The following PPEF1 variants were observed in gnomAD, a reference collection of about 807,000 sequenced individuals.
The protein encoded by PPEF1 is protein phosphatase with EF-hand domain 1.
In PPEF1, 12 loss-of-function variants were observed where a neutral mutation model predicts 53.3. The observed-to-expected ratio is 0.23, with a 90% confidence interval of 0.14 to 0.36. PPEF1 has a LOEUF of 0.36. PPEF1 is among the 10% of genes least tolerant of loss of function. PPEF1 has a pLI of 1.00. For synonymous variants in PPEF1, 165 were observed against 176.7 expected, an observed-to-expected ratio of 0.93 and a Z score of 0.52; for missense variants, 334 against 490.4, an observed-to-expected ratio of 0.68 and a Z score of 3.01.
intron 5 of PPEF1, among the ~76,000 whole-genome samples, chrX:18,758,886 G>A (rs1422349319): frequency 1.8e-5 from 2 of 111,662 alleles, no homozygotes; most frequent in South Asian, 3.8e-4. Flanking sequence ...GAAGACACAC[G>A]TTAATTACAG....
Position 18,827,545 on chromosome X carries a change from C to T in PPEF1, c.*58C>T, listed in dbSNP as rs1382848831. 6.1e-5 allele frequency: 58 copies of T among 944,370 alleles called. 1 individual carries two copies. The East Asian group carries it at 1.8e-3, about 29-fold the overall frequency. 77.8% of individuals were successfully genotyped at this position (944,370 alleles called of 1,213,427 possible). Reference sequence around the variant, plus strand: ...AACAGCTAGGCCCAAATCACAAGTACAGTCCTTTCCAACACCCCTGAAATT... The same window carrying T: ...AACAGCTAGGCCCAAATCACAAGTATAGTCCTTTCCAACACCCCTGAAATT... On this transcript the variant is annotated 3_prime_UTR_variant, in exon 16 of 16. Transcript: ENST00000470157.
chrX:18,730,293 A>G lies in PPEF1; in HGVS notation c.159A>G (p.Glu53=), dbSNP rs1361677073. ...TCCAGTCCATCGAATATGCTGATGA[A>G]CAAGGCCAAATGCAGGTCTGTTTTG... The part of the protein sequence containing the change: ...TIFQSIEYAD[E]QGQMQLSTFF... Residue 53 remains glutamate, a synonymous_variant, in exon 2 of 16, where the codon GAA becomes GAG. Transcript: ENST00000470157. 5.0e-6 allele frequency: 6 copies of G among 1,207,500 alleles called. No homozygotes were observed. The Admixed American group carries it at 8.8e-5, about 18-fold the overall frequency.
chrX:18,799,611 A>G (rs915238912), intron 10 of PPEF1, among the ~76,000 whole-genome samples: 2 of 110,835 alleles, frequency 1.8e-5, no homozygotes, highest in Admixed American at 1.9e-4. Context: ...AGCTGCAGAC[A>G]TGCGCAAGGT....
chrX:18,762,444 G>A (rs776353301), intron 6 of PPEF1, among the ~76,000 whole-genome samples: 55 of 111,842 alleles, frequency 4.9e-4, no homozygotes, highest in African/African-American at 1.6e-3. Context: ...AAGGGGTCCC[G>A]ATCCAGACCC....
chrX:18,801,490 C>G (rs754957836), intron 10 of PPEF1, among the ~76,000 whole-genome samples: 2 of 111,886 alleles, frequency 1.8e-5, no homozygotes, highest in Non-Finnish European at 3.8e-5. Flanking sequence ...TTTTCATGCA[C>G]TCAAAAGAAA....
intron 9 of PPEF1, among the ~76,000 whole-genome samples, chrX:18,788,068 G>C: frequency 8.9e-6 from 1 of 111,882 alleles, no homozygotes; most frequent in Middle Eastern, 4.7e-3. Flanking sequence ...TGTAATCCGA[G>C]CACTTTGGGA....
intron 10 of PPEF1, among the ~76,000 whole-genome samples, chrX:18,802,640 G>C (rs190460601): frequency 8.9e-6 from 1 of 111,941 alleles, no homozygotes; most frequent in Non-Finnish European, 1.9e-5. Context: ...GCTTCCTCAG[G>C]CTATGTGCTC....
upstream of PPEF1, among the ~76,000 whole-genome samples, chrX:18,702,691 G>A (rs2044108606): frequency 9.1e-6 from 1 of 109,887 alleles, no homozygotes; most frequent in Admixed American, 9.9e-5. Flanking sequence ...AAAATTATCA[G>A]TTCCACCCAG....
At chrX:18,710,166 G>T (rs1317841299) in intron 1 of PPEF1, among the ~76,000 whole-genome samples, 1 of 111,695 alleles carries the variant, frequency 9.0e-6, no homozygotes, top group Non-Finnish European at 1.9e-5. Flanking sequence ...TTGGAGAAAT[G>T]TCTATTCAGA....
intron 14 of PPEF1, 147 bp from the exon 15 acceptor site, chrX:18,825,604 C>T (rs960775851): frequency 1.1e-5 from 4 of 362,160 alleles, no homozygotes; most frequent in Non-Finnish European, 1.4e-5. Context: ...GAGGGTGGGG[C>T]CTCCAAGGGA....
intron 2 of PPEF1, among the ~76,000 whole-genome samples, chrX:18,732,121 C>A (rs1366536608): frequency 2.7e-5 from 3 of 112,600 alleles, no homozygotes; most frequent in African/African-American, 9.7e-5. Context: ...GGCCCAGCTT[C>A]TTTTACTTAG....
In PPEF1 at chrX:18,827,708, G is replaced by T. The variant is rs936401433; in HGVS notation, c.*221G>T. The stretch of plus-strand genomic sequence containing the variant: ...GTAATAGGATTTGGTTTCAGCATTA[G>T]TACCTACATATTGCCAGTGAGAAAC... On this transcript the variant is annotated 3_prime_UTR_variant, in exon 16 of 16. Transcript: ENST00000470157. 3 of 376,907 alleles carry T rather than the reference G, an allele frequency of 8.0e-6. No homozygotes were observed. Among genetic ancestry groups the T allele is most frequent in the Admixed American group, 4.7e-5 (1 of 21,486 alleles). The allele number at this position is 376,907 out of a possible 1,213,427, so 31.1% of individuals were successfully genotyped here. A position where few individuals can be genotyped will look rare whatever the true frequency, so the allele number is the denominator to read the frequency against.
At chrX:18,693,947 C>G (rs1027642046) in intron 4 of PPEF1, among the ~76,000 whole-genome samples, 11 of 111,475 alleles carry the variant, frequency 9.9e-5, no homozygotes, top group African/African-American at 3.3e-4. Context: ...CCCCAAAACT[C>G]CCTCCTGCTA....
intron 3 of PPEF1, among the ~76,000 whole-genome samples, chrX:18,687,148 G>A (rs528599394): frequency 1.8e-5 from 2 of 111,264 alleles, no homozygotes; most frequent in South Asian, 7.6e-4. Context: ...TTTTCTGGAA[G>A]CCTCAGCCCA....
chrX:18,813,915 G>T (rs184878331), intron 12 of PPEF1, among the ~76,000 whole-genome samples: 82 of 111,581 alleles, frequency 7.3e-4, no homozygotes, highest in African/African-American at 2.6e-3. Flanking sequence ...TGATGCTGGG[G>T]TTTGATGTAT....
intron 6 of PPEF1, among the ~76,000 whole-genome samples, 153 bp downstream of exon 6, chrX:18,761,729 CT>C (rs58142596): frequency 1.1e-3 from 107 of 101,399 alleles, no homozygotes; most frequent in South Asian, 5.8e-3. Context: ...AGAGCCATAT[CT>C]TTTTTTTTTT....
At chrX:18,725,285 A>C (rs2044680330) in intron 1 of PPEF1, among the ~76,000 whole-genome samples, 1 of 111,634 alleles carries the variant, frequency 9.0e-6, no homozygotes, top group South Asian at 3.8e-4. Context: ...TAGAGTTGAG[A>C]GAACAAAGGG....
chrX:18,755,158 A>G (rs900699741), intron 4 of PPEF1, among the ~76,000 whole-genome samples: 31 of 111,711 alleles, frequency 2.8e-4, no homozygotes, highest in Non-Finnish European at 4.9e-4. Context: ...TTATTAAGGG[A>G]AGAATAAAAG....
intron 2 of PPEF1, among the ~76,000 whole-genome samples, chrX:18,685,492 T>C (rs1219270502): frequency 3.6e-5 from 4 of 110,624 alleles, no homozygotes; most frequent in African/African-American, 1.3e-4. Flanking sequence ...GAGACCATCC[T>C]GGCTAACACG....
Sources: allele counts gnomAD v4.1 joint callset (sites outside exome capture counted in the v4.1 genomes callset), GRCh38; gene constraint gnomAD v4.1.1; transcripts MANE v1.5; gene names NCBI Gene and HGNC (gene_info 2026-07-23, HGNC 2026-07-21).